RNF144A: variants seen among roughly 807,000 people sequenced by gnomAD.
RNF144A encodes ring finger protein 144A.
In RNF144A, 11 loss-of-function variants were observed where a neutral mutation model predicts 38.7. The ratio of observed to expected loss-of-function variants is 0.28; its 90% CI spans 0.18 to 0.47. RNF144A has a LOEUF of 0.47. RNF144A is among the 20% of genes least tolerant of loss of function. The pLI is 0.99. For synonymous variants in RNF144A, 149 were observed against 143.9 expected (o/e 1.04, Z -0.25); for missense variants, 316 against 377.2 (o/e 0.84, Z 1.34).
intron 6 of RNF144A, 105 bp downstream of exon 6, chr2:7,020,785 C>T (rs929711236): frequency 2.1e-6 from 2 of 953,062 alleles, no homozygotes; most frequent in Non-Finnish European, 3.3e-6. Flanking sequence ...GGCTGTGGCT[C>T]AGTCAACCCT....
intron 5 of RNF144A, among the ~76,000 whole-genome samples, chr2:7,018,532 A>G (rs1184835844): frequency 2.0e-5 from 3 of 151,866 alleles, no homozygotes; most frequent in Non-Finnish European, 4.4e-5. Flanking sequence ...TGGCATGTGC[A>G]CCCCCTCCTT....
At chr2:7,068,756 G>A (rs1351773160), downstream of RNF144A, among the ~76,000 whole-genome samples, 1 of 152,186 alleles carries the variant, frequency 6.6e-6, no homozygotes, top group Non-Finnish European at 1.5e-5. Context: ...TTCTAAGAGA[G>A]AATGATCTTG....
chr2:7,014,824 G>T, intron 5 of RNF144A, 52 bp downstream of exon 5: 1 of 1,344,750 alleles, frequency 7.4e-7, no homozygotes, highest in South Asian at 1.2e-5. Flanking sequence ...TGTGAATGTG[G>T]ATAATTTTGT....
At chr2:6,990,989 T>C (rs770823771) in intron 2 of RNF144A, among the ~76,000 whole-genome samples, 10 of 152,206 alleles carry the variant, frequency 6.6e-5, no homozygotes, top group Non-Finnish European at 1.3e-4. Flanking sequence ...CTTTTAAATT[T>C]CTTCCATGTC....
chr2:6,919,228 A>G (rs573745626), intron 1 of RNF144A, among the ~76,000 whole-genome samples: 2 of 152,106 alleles, frequency 1.3e-5, no homozygotes, highest in Non-Finnish European at 2.9e-5. Flanking sequence ...CTGTCCAGAG[A>G]GAGCTGCTCC....
chr2:7,075,287 C>CT, the RNF144A span, among the ~76,000 whole-genome samples: 1 of 151,666 alleles, frequency 6.6e-6, no homozygotes, highest in African/African-American at 2.4e-5. Flanking sequence ...AACATCCCCC[C>CT]CCCCACACAG....
At chr2:7,022,033 G>A (rs571688272) in intron 6 of RNF144A, among the ~76,000 whole-genome samples, 1 of 152,334 alleles carries the variant, frequency 6.6e-6, no homozygotes, top group African/African-American at 2.4e-5. Context: ...GGCTTCTCTG[G>A]GAAATCCGAA....
intron 8 of RNF144A, among the ~76,000 whole-genome samples, chr2:7,031,785 C>T (rs1368702254): frequency 3.3e-5 from 5 of 152,268 alleles, no homozygotes; most frequent in Admixed American, 6.5e-5. Flanking sequence ...CGATAAGACA[C>T]GCCTCCCATC....
intron 1 of RNF144A, among the ~76,000 whole-genome samples, chr2:6,938,070 G>A (rs1410896968): frequency 6.6e-6 from 1 of 152,106 alleles, no homozygotes; most frequent in Non-Finnish European, 1.5e-5. Flanking sequence ...TTTGCTTCCC[G>A]GACAGAAATG....
chr2:6,934,437 C>T (rs1665414385), intron 1 of RNF144A, among the ~76,000 whole-genome samples: 1 of 152,084 alleles, frequency 6.6e-6, no homozygotes, highest in African/African-American at 2.4e-5. Flanking sequence ...AGTTTCGTTA[C>T]TTACTTTTTA....
chr2:7,075,099 G>T, the RNF144A span, among the ~76,000 whole-genome samples: 2 of 152,174 alleles, frequency 1.3e-5, no homozygotes, highest in Admixed American at 1.3e-4. Context: ...GGCACAGTGT[G>T]GATGGTGGAT....
intron 2 of RNF144A, among the ~76,000 whole-genome samples, chr2:6,971,613 T>G (rs761762818): frequency 2.0e-5 from 3 of 152,202 alleles, no homozygotes; most frequent in African/African-American, 7.2e-5. Flanking sequence ...TCAGTTATTC[T>G]AGACACAGAC....
chr2:7,039,879 A>G lies in RNF144A; in HGVS notation c.*119A>G. The G allele has an allele frequency of 6.7e-7, 1 of 1,482,376 alleles. No homozygotes were observed. The highest frequency in any genetic ancestry group is 9.0e-7 in the Non-Finnish European group (1 of 1,113,994). The allele number at this position is 1,482,376 out of a possible 1,614,324, so 91.8% of individuals were successfully genotyped here. On this transcript the variant is annotated 3_prime_UTR_variant, in exon 9 of 9. Transcript: ENST00000320892. ...TGCCTTATGTGCCCCATTGAGCTTC[A>G]CAGTGTCAGGCTGGACGCCGTGATT...
chr2:7,004,858 A>C (rs1373622901), intron 3 of RNF144A, among the ~76,000 whole-genome samples: 2 of 152,144 alleles, frequency 1.3e-5, no homozygotes, highest in Non-Finnish European at 2.9e-5. Context: ...TTTTGAAGAG[A>C]AGGGGTTTTC....
At chr2:6,970,330 G>A (rs1043680500) in intron 2 of RNF144A, among the ~76,000 whole-genome samples, 1 of 152,160 alleles carries the variant, frequency 6.6e-6, no homozygotes, top group African/African-American at 2.4e-5. Flanking sequence ...GAGTTTCCCT[G>A]CACAAGCCCT....
chr2:7,040,593 C>T lies in RNF144A; in HGVS notation c.*833C>T, dbSNP rs1307400237. On this transcript the variant is annotated 3_prime_UTR_variant, in exon 9 of 9. Transcript: ENST00000320892. ...GCCTCATCCCTTCTCTCCCAGGTAGCAGAAAACGCTTTTTATTGTATTCAA... is the reference window on the plus strand; with the variant it reads ...GCCTCATCCCTTCTCTCCCAGGTAGTAGAAAACGCTTTTTATTGTATTCAA... The T allele has an allele frequency of 6.1e-6, 6 of 985,254 alleles. No homozygotes were observed. The highest frequency in any genetic ancestry group is 7.2e-6 in the Non-Finnish European group (6 of 829,878). 61.0% of individuals were successfully genotyped at this position (985,254 alleles called of 1,614,324 possible).
Position 7,011,947 on chromosome 2 carries a change from C to T in RNF144A, c.136-2507C>T, listed in dbSNP as rs527977414. Among the ~76,000 whole-genome samples, 3 of 152,348 alleles carry T rather than the reference C, an allele frequency of 2.0e-5. No homozygotes were observed. In the South Asian group the frequency reaches 6.2e-4, roughly 32 times the overall value. On this transcript the variant is annotated intron_variant, in intron 3 of 8. Coordinates refer to ENST00000320892, the MANE Select transcript of RNF144A (RefSeq NM_014746.6). ...GCATCCTGATGACACATGATGTTCA[C>T]TCTTGGGTAGCTTTGAAACCCAGAC...
chr2:6,969,002 C>T (rs1217699177), intron 2 of RNF144A, among the ~76,000 whole-genome samples: 1 of 152,220 alleles, frequency 6.6e-6, no homozygotes, highest in South Asian at 2.1e-4. Context: ...CCCTGGTATA[C>T]CGCCTCTTGG....
chr2:6,920,640 A>G (rs942925247), intron 1 of RNF144A, among the ~76,000 whole-genome samples: 8 of 151,876 alleles, frequency 5.3e-5, no homozygotes, highest in African/African-American at 1.9e-4. Context: ...AGGAAGAGGG[A>G]CTCTCCGTGT....
Sources: allele counts gnomAD v4.1 joint callset (sites outside exome capture counted in the v4.1 genomes callset), GRCh38; gene constraint gnomAD v4.1.1; transcripts MANE v1.5; gene names NCBI Gene and HGNC (gene_info 2026-07-23, HGNC 2026-07-21).